Variants in CLEC5A observed in about 807,000 individuals in gnomAD.
CLEC5A encodes C-type lectin domain family 5 member A.
Under a neutral mutation model 24.4 loss-of-function variants are expected in CLEC5A, and 15 were observed. That is an observed-to-expected ratio of 0.62 (90% confidence interval 0.41 to 0.95). The LOEUF is 0.95. Ranked by LOEUF, CLEC5A falls within the 40% of genes least tolerant of loss-of-function variation. The pLI, the probability that CLEC5A is intolerant of heterozygous loss-of-function variation, is 0.00. For synonymous variants in CLEC5A, 71 were observed against 72.6 expected, an observed-to-expected ratio of 0.98 and a Z score of 0.11; for missense variants, 211 against 224.0, an observed-to-expected ratio of 0.94 and a Z score of 0.37.
chr7:141,935,899 G>T lies in CLEC5A; in HGVS notation c.260C>A (p.Thr87Asn). Residue 87 changes from threonine to asparagine, a missense_variant, in exon 5 of 7, where the codon ACT (threonine) becomes AAT (asparagine). By Grantham distance (65) the Thr-to-Asn change is moderately conservative (BLOSUM62 0). Transcript: ENST00000546910. ...GCTTTCATTCCAAGATGATTCAGAA[G>T]TGGATAAGAAAAAACATCTTGCTTG... ...FYQARCFFLS[T>N]SESSWNESRD... The T allele has an allele frequency of 1.2e-6, 2 of 1,612,902 alleles. No homozygotes were observed. The highest frequency in any genetic ancestry group is 1.7e-6 in the Non-Finnish European group (2 of 1,178,860).
chr7:141,935,696 C>T, intron 5 of CLEC5A, 118 bp downstream of exon 5: 1 of 890,396 alleles, frequency 1.1e-6, no homozygotes, highest in Non-Finnish European at 1.8e-6. Context: ...GTTTTTCAGC[C>T]AGCCACCTCT....
At chr7:141,940,571 A>G (rs1163915971) in intron 4 of CLEC5A, among the ~76,000 whole-genome samples, 1 of 151,944 alleles carries the variant, frequency 6.6e-6, no homozygotes, top group African/African-American at 2.4e-5. Context: ...AACAAAAGAA[A>G]TAATAAAGAT....
chr7:141,928,340 T>A lies in CLEC5A; in HGVS notation c.*1764A>T, dbSNP rs1369687343. 2.6e-5 allele frequency: 4 copies of A among 152,618 alleles called. No individual in the cohort carries two copies. The highest frequency in any genetic ancestry group is 9.6e-5 in the African/African-American group (4 of 41,464). 9.5% of individuals were successfully genotyped at this position (152,618 alleles called of 1,614,324 possible). On this transcript the variant is annotated 3_prime_UTR_variant, in exon 7 of 7. Coordinates refer to ENST00000546910, the MANE Select transcript of CLEC5A (RefSeq NM_013252.3). ...AGTTATTCTGTCATGAAATAGGAAG[T>A]GAAGCAACTACAGTTCTCTCTTCTC...
intron 4 of CLEC5A, among the ~76,000 whole-genome samples, chr7:141,938,655 A>T (rs1218036974): frequency 6.6e-6 from 1 of 152,228 alleles, no homozygotes; most frequent in African/African-American, 2.4e-5. Context: ...CACCAAGTAG[A>T]TTTAAGCCAA....
chr7:141,936,246 A>G (rs1014212547), intron 4 of CLEC5A: 8 of 374,124 alleles, frequency 2.1e-5, no homozygotes, highest in African/African-American at 1.5e-4. Context: ...CATACATGAG[A>G]ACAAAAAATC....
At chr7:141,935,023 C>T (rs1023291554) in intron 5 of CLEC5A, among the ~76,000 whole-genome samples, 17 of 152,154 alleles carry the variant, frequency 1.1e-4, no homozygotes, top group African/African-American at 3.6e-4. Context: ...TTTTCCCTTG[C>T]TACCTGGGTA....
rs1554440992 is a variant in CLEC5A, at chr7:141,935,799, T to G, written c.345+15A>C. On this transcript the variant is annotated intron_variant, in intron 5 of 6. Transcript: ENST00000546910. ...TGGAGTGTGTGGCTTTACTGTACCA[T>G]TCCAGTGTTCTCACCAGTTTCTCTG... 6.2e-7 allele frequency: 1 copy of G among 1,613,546 alleles called. No individual in the cohort carries two copies. Among genetic ancestry groups the G allele is most frequent in the Non-Finnish European group, 8.5e-7 (1 of 1,179,452 alleles).
At chr7:141,936,883 C>T (rs1255454193) in intron 4 of CLEC5A, among the ~76,000 whole-genome samples, 2 of 151,952 alleles carry the variant, frequency 1.3e-5, no homozygotes, top group Non-Finnish European at 2.9e-5. Context: ...GGGCACTAGT[C>T]AGAGTCGTGA....
chr7:141,942,662 T>C (rs1802831640), intron 4 of CLEC5A, among the ~76,000 whole-genome samples: 1 of 152,050 alleles, frequency 6.6e-6, no homozygotes, highest in Admixed American at 6.6e-5. Flanking sequence ...AAAAAAATGT[T>C]TGAAAACCAC....
Position 141,927,915 on chromosome 7 carries a change from A to C in CLEC5A, c.*2189T>G, listed in dbSNP as rs1473618991. 1 of 152,220 alleles carries C rather than the reference A, an allele frequency of 6.6e-6. No homozygotes were observed. Among genetic ancestry groups the C allele is most frequent in the Non-Finnish European group, 1.5e-5 (1 of 68,048 alleles). 9.4% of individuals were successfully genotyped at this position (152,220 alleles called of 1,614,324 possible). A position where few individuals can be genotyped will look rare whatever the true frequency, so the allele number is the denominator to read the frequency against. Reference sequence around the variant, plus strand: ...AGAGGAATGTTATTTAATATGTGCAATAATTTTTTGAGATAGGTATTACTA... The same window carrying C: ...AGAGGAATGTTATTTAATATGTGCACTAATTTTTTGAGATAGGTATTACTA... On this transcript the variant is annotated 3_prime_UTR_variant, in exon 7 of 7. Coordinates refer to ENST00000546910, the MANE Select transcript of CLEC5A (RefSeq NM_013252.3).
In CLEC5A at chr7:141,939,513, G is replaced by T. The variant is rs149175711; in HGVS notation, c.209-3563C>A. On this transcript the variant is annotated intron_variant, in intron 4 of 6. Transcript: ENST00000546910. ...CACTAAAAGGAAGACAGGAAGGAAA[G>T]AAAGAAGGAAGAGAAGATCAAAAAA... Among the ~76,000 whole-genome samples the T allele has an allele frequency of 5.9e-5, 9 of 151,952 alleles. No homozygotes were observed. In the East Asian group the frequency reaches 1.7e-3, roughly 29 times the overall value.
intron 5 of CLEC5A, 42 bp from the exon 6 acceptor site, chr7:141,931,868 A>T: frequency 1.1e-6 from 1 of 881,666 alleles, no homozygotes; most frequent in South Asian, 1.5e-5. Context: ...TCTTTTAATG[A>T]TGCCTCTCTT....
At chr7:141,944,420 C>A (rs1289308264) in intron 3 of CLEC5A, among the ~76,000 whole-genome samples, 1 of 152,132 alleles carries the variant, frequency 6.6e-6, no homozygotes, top group Non-Finnish European at 1.5e-5. Flanking sequence ...TAATCCTGGG[C>A]AACTCTGGGA....
rs41275012 is a variant in CLEC5A, at chr7:141,945,431, C to A, written c.80-31G>T. 1.2e-3 allele frequency: 1,789 copies of A among 1,480,978 alleles called. 3 individuals carry two copies. The highest frequency in any genetic ancestry group is 1.6e-3 in the Non-Finnish European group (1,642 of 1,058,578). 91.7% of individuals were successfully genotyped at this position (1,480,978 alleles called of 1,614,324 possible). A position where few individuals can be genotyped will look rare whatever the true frequency, so the allele number is the denominator to read the frequency against. ...AAGAAAATCAGCTGTTGGCTCAGCC[C>A]CAAATGTGACTGCATGATGAATATG... On this transcript the variant is annotated intron_variant, in intron 2 of 6. Coordinates refer to ENST00000546910, the MANE Select transcript of CLEC5A (RefSeq NM_013252.3).
At position 141,935,813 on chromosome 7, in the gene CLEC5A, C is replaced by T. The variant is rs1037256576; in HGVS notation, c.345+1G>A. On this transcript the variant is annotated splice_donor_variant, in intron 5 of 6. Transcript: ENST00000546910. LOFTEE classifies it high-confidence loss of function. Reference sequence around the variant, plus strand: ...TTACTGTACCATTCCAGTGTTCTCACCAGTTTCTCTGGCGTGTTGACAATT... The same window carrying T: ...TTACTGTACCATTCCAGTGTTCTCATCAGTTTCTCTGGCGTGTTGACAATT... 1.9e-6 allele frequency: 3 copies of T among 1,614,012 alleles called. No homozygotes were observed. The highest frequency in any genetic ancestry group is 1.7e-5 in the Admixed American group (1 of 60,014).
chr7:141,946,226 A>G lies in CLEC5A; in HGVS notation c.67T>C (p.Phe23Leu), dbSNP rs1802950851. The G allele has an allele frequency of 6.4e-7, 1 of 1,565,844 alleles. No homozygotes were observed. Among genetic ancestry groups the G allele is most frequent in the Non-Finnish European group, 8.7e-7 (1 of 1,153,788 alleles). ...VVLKVVGMTL[F>L]LLYFPQIFNK... The stretch of plus-strand genomic sequence containing the variant: ...CTCAAATACTCACAATAAAGTAGAA[A>G]TAAGGTCATTCCAACAACTTTAAGC... The change falls in exon 2 of 7, where the codon TTT (phenylalanine) becomes CTT (leucine). Residue 23 changes from phenylalanine to leucine, a missense_variant. Physicochemically the swap from Phe to Leu is conservative, Grantham distance 22. Transcript: ENST00000546910.
At chr7:141,934,940 C>T (rs782601730) in intron 5 of CLEC5A, among the ~76,000 whole-genome samples, 2 of 152,122 alleles carry the variant, frequency 1.3e-5, no homozygotes, top group South Asian at 4.1e-4. Flanking sequence ...GTCACACTTG[C>T]TTCTTCCCGT....
At chr7:141,946,333 C>A (rs1259476312) in intron 1 of CLEC5A, 21 bp from the exon 2 acceptor site, 1 of 1,548,918 alleles carries the variant, frequency 6.5e-7, no homozygotes, top group Non-Finnish European at 8.7e-7. Flanking sequence ...TAGAGCACAG[C>A]AGCATCAGAA....
chr7:141,942,567 G>C (rs1802826724), intron 4 of CLEC5A, among the ~76,000 whole-genome samples: 1 of 151,992 alleles, frequency 6.6e-6, no homozygotes, highest in South Asian at 2.1e-4. Flanking sequence ...AGGAAAAATA[G>C]ATAAATGAGA....
Sources: allele counts gnomAD v4.1 joint callset (sites outside exome capture counted in the v4.1 genomes callset), GRCh38; gene constraint gnomAD v4.1.1; transcripts MANE v1.5; gene names NCBI Gene and HGNC (gene_info 2026-07-23, HGNC 2026-07-21).